Variants in OVGP1 observed in about 807,000 individuals in gnomAD.
OVGP1 encodes the protein oviduct-specific glycoprotein.
In OVGP1, 26 loss-of-function variants were observed where a neutral mutation model predicts 48.2. That is an observed-to-expected ratio of 0.54 (90% CI 0.40 to 0.75). The LOEUF is 0.75. Ranked by LOEUF, OVGP1 falls within the 30% of genes least tolerant of loss-of-function variation. The pLI, the probability that OVGP1 is intolerant of heterozygous loss-of-function variation, is 0.00. For missense variants in OVGP1, 791 were observed against 820.6 expected (o/e 0.96, Z 0.44); for synonymous variants, 294 against 305.7 (o/e 0.96, Z 0.40).
chr1:111,423,795 G>C (rs1652332249), intron 4 of OVGP1, 87 bp from the exon 5 acceptor site: 1 of 1,316,256 alleles, frequency 7.6e-7, no homozygotes, highest in Non-Finnish European at 1.1e-6. Flanking sequence ...GGTTCCCTGT[G>C]GTGGGCCTGG....
At chr1:111,418,560 A>G (rs1003234025) in intron 9 of OVGP1, among the ~76,000 whole-genome samples, 1 of 152,200 alleles carries the variant, frequency 6.6e-6, no homozygotes, top group Admixed American at 6.5e-5. Context: ...CCATTTCTGC[A>G]TCACCGTTAA....
In OVGP1 at chr1:111,415,271, C is replaced by A. The variant is rs1171941731; in HGVS notation, c.1230G>T (p.Arg410Ser). The change falls in exon 11 of 11, where the codon AGG (arginine) becomes AGT (serine). Residue 410 changes from arginine (R) to serine (S), a missense_variant. Physicochemically the swap from Arg to Ser is moderately radical, Grantham distance 110. Coordinates refer to ENST00000369732, the MANE Select transcript of OVGP1 (RefSeq NM_002557.4). ...AVNSSSTDPE[R>S]LAVTTAWTTD... ...TGGTCCATGCCGTGGTCACAGCCAGCCTTTCAGGGTCAGTGCTTGAAGAAT... is the reference window on the plus strand; with the variant it reads ...TGGTCCATGCCGTGGTCACAGCCAGACTTTCAGGGTCAGTGCTTGAAGAAT... 3.1e-6 allele frequency: 5 copies of A among 1,614,014 alleles called. No individual in the cohort carries two copies. Among genetic ancestry groups the A allele is most frequent in the East Asian group, 2.2e-5 (1 of 44,890 alleles).
rs1652102822 is a variant in OVGP1 at position 111,415,234 on chromosome 1, T to C, written c.1267A>G (p.Ile423Val). Residue 423 changes from isoleucine (I) to valine (V), a missense_variant, in exon 11 of 11, where the codon ATT becomes GTT. By Grantham distance (29) the Ile-to-Val change is conservative. Coordinates refer to ENST00000369732, the MANE Select transcript of OVGP1 (RefSeq NM_002557.4). ...CCAGCCTCTCCTCCTGGGGGCAAAATCTTACTATCAGTGGTCCATGCCGTG... is the reference window on the plus strand; with the variant it reads ...CCAGCCTCTCCTCCTGGGGGCAAAACCTTACTATCAGTGGTCCATGCCGTG... ...VTTAWTTDSKILPPGGEAGVT... is the reference protein window; with the variant it reads ...VTTAWTTDSKVLPPGGEAGVT... 6.8e-6 allele frequency: 11 copies of C among 1,614,150 alleles called. No homozygotes were observed. Among genetic ancestry groups the C allele is most frequent in the Non-Finnish European group, 8.5e-6 (10 of 1,180,022 alleles).
At chr1:111,426,021 G>A (rs1207492905) in intron 3 of OVGP1, among the ~76,000 whole-genome samples, 1 of 152,160 alleles carries the variant, frequency 6.6e-6, no homozygotes, top group Non-Finnish European at 1.5e-5. Context: ...AGCCACTGGG[G>A]ATACAACAAC....
chr1:111,420,867 A>C (rs921637816), intron 8 of OVGP1, among the ~76,000 whole-genome samples: 3 of 152,212 alleles, frequency 2.0e-5, no homozygotes, highest in African/African-American at 7.2e-5. Context: ...GCCATGAATT[A>C]TTAATGATTG....
chr1:111,426,556 G>T lies in OVGP1; in HGVS notation c.141C>A (p.Asp47Glu), dbSNP rs778385735. ...ATATCAGGTGGGTGCAGAGAAAGGG[G>T]TCCAGGTCATGGGGCAAGATCGAGG... ...GPASILPHDL[D>E]PFLCTHLIFA... Residue 47 changes from aspartate to glutamate, a missense_variant, in exon 3 of 11, where the codon GAC becomes GAA. Physicochemically the swap from Asp to Glu is conservative, Grantham distance 45 (BLOSUM62 2). Coordinates refer to ENST00000369732, the MANE Select transcript of OVGP1 (RefSeq NM_002557.4). The T allele has an allele frequency of 9.9e-6, 16 of 1,614,132 alleles. No individual in the cohort carries two copies. The highest frequency in any genetic ancestry group is 1.4e-5 in the Non-Finnish European group (16 of 1,180,014).
At chr1:111,415,962 A>G (rs1293196253) in intron 10 of OVGP1, among the ~76,000 whole-genome samples, 1 of 152,210 alleles carries the variant, frequency 6.6e-6, no homozygotes, top group Admixed American at 6.5e-5. Context: ...TCAAAAAGAG[A>G]TATCAAAAGA....
intron 8 of OVGP1, 24 bp downstream of exon 8, chr1:111,421,252 G>T (rs762401391): frequency 7.6e-6 from 12 of 1,577,134 alleles, no homozygotes; most frequent in Admixed American, 1.8e-5. Flanking sequence ...CTAACTGCTA[G>T]ACAGAGACTG....
rs1450317817 is a variant in OVGP1 at position 111,419,680 on chromosome 1, T to A, written c.950A>T (p.Gln317Leu). ...CCCCTTGTTGGCATACGGGACATAC[T>A]GGTAATCAATCCAGTGCTTCTTCGC... Reference protein sequence around the residue: ...WGAKKHWIDYQYVPYANKGKE... With the variant: ...WGAKKHWIDYLYVPYANKGKE... The change falls in exon 9 of 11, where the codon CAG becomes CTG. Residue 317 changes from glutamine (Q) to leucine (L), a missense_variant. By Grantham distance (113) the Gln-to-Leu change is moderately radical. Coordinates refer to ENST00000369732, the MANE Select transcript of OVGP1 (RefSeq NM_002557.4). 1 of 1,613,714 alleles carries A rather than the reference T, an allele frequency of 6.2e-7. No homozygotes were observed. Among genetic ancestry groups the A allele is most frequent in the Non-Finnish European group, 8.5e-7 (1 of 1,179,780 alleles).
At chr1:111,416,502 C>G (rs1236158665) in intron 9 of OVGP1, 44 bp from the exon 10 acceptor site, 3 of 1,557,252 alleles carry the variant, frequency 1.9e-6, no homozygotes, top group Non-Finnish European at 2.6e-6. Flanking sequence ...TTGTCAGTCT[C>G]TAGACTGGGT....
intron 6 of OVGP1, among the ~76,000 whole-genome samples, chr1:111,422,305 AAAC>A (rs145928569): frequency 0.028 from 4,290 of 152,236 alleles, 204 homozygotes; most frequent in African/African-American, 0.099. Context: ...TCCCACATTG[AAAC>A]AATTCTCTAG....
intron 6 of OVGP1, 77 bp downstream of exon 6, chr1:111,422,850 G>A: frequency 6.5e-7 from 1 of 1,546,216 alleles, no homozygotes; most frequent in Non-Finnish European, 8.9e-7. Context: ...AACAGTGCTT[G>A]GGAAGCTCTG....
chr1:111,416,667 GAA>G (rs34687982), intron 9 of OVGP1: 454 of 327,180 alleles, frequency 1.4e-3, no homozygotes, highest in East Asian at 4.6e-3. Flanking sequence ...CCTCATTTGT[GAA>G]AAAAAAAAAA....
At chr1:111,416,663 T>C in intron 9 of OVGP1, 1 of 406,432 alleles carries the variant, frequency 2.5e-6, no homozygotes, top group East Asian at 3.6e-5. Flanking sequence ...ACTGCCTCAT[T>C]TGTGAAAAAA....
Position 111,423,063 on chromosome 1 carries a change from G to A in OVGP1, c.484-12C>T, listed in dbSNP as rs1445353011. 2 of 1,613,836 alleles carry A rather than the reference G, an allele frequency of 1.2e-6. No homozygotes were observed. The highest frequency in any genetic ancestry group is 1.7e-6 in the Non-Finnish European group (2 of 1,179,994). On this transcript the variant is annotated splice_polypyrimidine_tract_variant and intron_variant, in intron 5 of 10. Transcript: ENST00000369732. Reference sequence around the variant, plus strand: ...GCAAACAGGAGCTCCTAAGAGGAAAGACAGAAAGACACAGAGAACTGGACA... The same window carrying A: ...GCAAACAGGAGCTCCTAAGAGGAAAAACAGAAAGACACAGAGAACTGGACA...
intron 2 of OVGP1, 22 bp from the exon 3 acceptor site, chr1:111,426,663 T>C (rs750001699): frequency 6.2e-7 from 1 of 1,609,976 alleles, no homozygotes; most frequent in Non-Finnish European, 8.5e-7. Context: ...GAGCACACAT[T>C]AGTTGGCAAA....
chr1:111,416,095 T>C (rs747997573), intron 10 of OVGP1, among the ~76,000 whole-genome samples: 3 of 152,210 alleles, frequency 2.0e-5, no homozygotes, highest in Non-Finnish European at 4.4e-5. Flanking sequence ...AATAATGTCA[T>C]GAGTATACAG....
At chr1:111,419,154 T>C (rs995318919) in intron 9 of OVGP1, among the ~76,000 whole-genome samples, 1 of 152,206 alleles carries the variant, frequency 6.6e-6, no homozygotes, top group Non-Finnish European at 1.5e-5. Context: ...ATAAGCTTTC[T>C]ACACCACTGA....
chr1:111,423,600 A>T lies in OVGP1; in HGVS notation c.426T>A (p.Tyr142Ter). The T allele has an allele frequency of 6.2e-7, 1 of 1,614,198 alleles. No homozygotes were observed. Among genetic ancestry groups the T allele is most frequent in the Admixed American group, 1.7e-5 (1 of 60,024 alleles). Residue 142 changes from tyrosine (Y) to a stop codon, truncating the protein, a stop_gained, in exon 5 of 11, where the codon TAT becomes TAA. Transcript: ENST00000369732. LOFTEE classifies it high-confidence loss of function. ...GCATGGGGCTGCCTCTTAGTCCAGG[A>T]TATAAGAAGAAAAGGTCAAGACCAT... ...DFDGLDLFFLYPGLRGSPMHD... is the reference protein window; with the variant it reads ...DFDGLDLFFL
Sources: allele counts gnomAD v4.1 joint callset (sites outside exome capture counted in the v4.1 genomes callset), GRCh38; gene constraint gnomAD v4.1.1; transcripts MANE v1.5; gene names NCBI Gene and HGNC (gene_info 2026-07-23, HGNC 2026-07-21).